NAV2: variants seen among roughly 807,000 people sequenced by gnomAD.
The protein encoded by NAV2 is neuron navigator 2.
In NAV2, 54 loss-of-function variants were observed where a neutral mutation model predicts 223.2. That is an observed-to-expected ratio of 0.24 (90% CI 0.19 to 0.30). NAV2 has a LOEUF of 0.30. Ranked by LOEUF, NAV2 falls within the 10% of genes least tolerant of loss-of-function variation. The probability of loss-of-function intolerance (pLI) is 1.00; values close to 1 mark genes in which losing one functional copy is unlikely to be tolerated. For synonymous variants in NAV2, 1,279 were observed against 1,239.3 expected, an observed-to-expected ratio of 1.03 and a Z score of -0.67; for missense variants, 2,806 against 3,147.5, an observed-to-expected ratio of 0.89 and a Z score of 2.60.
At chr11:19,454,649 G>A (rs1264126125) in intron 1 of NAV2, among the ~76,000 whole-genome samples, 2 of 152,180 alleles carry the variant, frequency 1.3e-5, no homozygotes, top group African/African-American at 4.8e-5. Context: ...CTGTCATGGA[G>A]CCTCCAGGAA....
chr11:19,963,668 T>C (rs192587344), intron 10 of NAV2, among the ~76,000 whole-genome samples: 182 of 152,340 alleles, frequency 1.2e-3, no homozygotes, highest in African/African-American at 4.2e-3. Flanking sequence ...TCTCTTTGCC[T>C]CGAAAGCAAT....
chr11:19,475,307 C>T (rs1207725290), intron 1 of NAV2, among the ~76,000 whole-genome samples: 1 of 152,204 alleles, frequency 6.6e-6, no homozygotes, highest in African/African-American at 2.4e-5. Context: ...CAAAGCCTTT[C>T]TTTTCAGTGA....
intron 1 of NAV2, among the ~76,000 whole-genome samples, chr11:19,651,809 G>A (rs763100345): frequency 7.2e-5 from 11 of 152,200 alleles, no homozygotes; most frequent in African/African-American, 1.2e-4. Flanking sequence ...AGGCTGAATA[G>A]ACCAGCTTAG....
At chr11:19,962,633 T>A (rs1461919297) in intron 10 of NAV2, among the ~76,000 whole-genome samples, 1 of 152,180 alleles carries the variant, frequency 6.6e-6, no homozygotes, top group Non-Finnish European at 1.5e-5. Flanking sequence ...GTCCCCTGGG[T>A]CCTGGTAAGA....
chr11:20,080,070 G>A lies in NAV2; in HGVS notation c.5186G>A (p.Gly1729Asp), dbSNP rs1221818511. Reference protein sequence around the residue: ...NTPELNCKGNGTAQSADLRIR... With the variant: ...NTPELNCKGNDTAQSADLRIR... ...ACCCTGCCTTGGTCTCCAGGAAACG[G>A]CACTGCCCAGTCTGCAGACCTCCGC... Residue 1729 changes from glycine (G) to aspartate (D), a missense_variant, in exon 25 of 38, where the codon GGC (glycine) becomes GAC (aspartate). By Grantham distance (94) the Gly-to-Asp change is moderately conservative. Coordinates refer to ENST00000349880, the MANE Select transcript of NAV2 (RefSeq NM_145117.5). 1 of 1,613,580 alleles carries A rather than the reference G, an allele frequency of 6.2e-7. No homozygotes were observed. The highest frequency in any genetic ancestry group is 1.1e-5 in the South Asian group (1 of 91,022).
At chr11:19,427,941 C>T (rs1423736112) in intron 1 of NAV2, among the ~76,000 whole-genome samples, 2 of 151,534 alleles carry the variant, frequency 1.3e-5, no homozygotes, top group African/African-American at 2.4e-5. Context: ...AATCTGCATC[C>T]CCCCGCTAGT....
At chr11:19,726,563 GA>G (rs1160019532) in intron 1 of NAV2, among the ~76,000 whole-genome samples, 1 of 152,196 alleles carries the variant, frequency 6.6e-6, no homozygotes, top group Non-Finnish European at 1.5e-5. Flanking sequence ...CCTGAGTTTA[GA>G]ACTGACTGTG....
intron 1 of NAV2, among the ~76,000 whole-genome samples, chr11:19,764,749 T>C (rs776696791): frequency 1.3e-5 from 2 of 152,166 alleles, no homozygotes; most frequent in African/African-American, 4.8e-5. Context: ...CCATTTGATG[T>C]CTAATCATCT....
chr11:19,370,176 C>T (rs1030933726), intron 1 of NAV2, among the ~76,000 whole-genome samples: 1 of 152,174 alleles, frequency 6.6e-6, no homozygotes, highest in Non-Finnish European at 1.5e-5. Flanking sequence ...GTCACCCCTG[C>T]GACCTTTCCT....
chr11:19,433,764 G>A (rs561050749), intron 1 of NAV2, among the ~76,000 whole-genome samples: 1 of 152,322 alleles, frequency 6.6e-6, no homozygotes, highest in East Asian at 1.9e-4. Context: ...TTGGCAAATT[G>A]TATTTCCCCC....
At chr11:19,714,059 T>G in intron 1 of NAV2, 97 bp downstream of exon 1, 1 of 1,477,704 alleles carries the variant, frequency 6.8e-7, no homozygotes, top group Non-Finnish European at 9.2e-7. Context: ...GAGAAGGGTC[T>G]ACCATGTGGC....
At chr11:19,551,423 C>T (rs1316788223) in intron 1 of NAV2, among the ~76,000 whole-genome samples, 3 of 152,226 alleles carry the variant, frequency 2.0e-5, no homozygotes, top group African/African-American at 2.4e-5. Flanking sequence ...GGTTCCACGG[C>T]AAGTCCTCAT....
chr11:20,080,475 T>C (rs2060021910), intron 25 of NAV2, among the ~76,000 whole-genome samples: 1 of 152,254 alleles, frequency 6.6e-6, no homozygotes, highest in African/African-American at 2.4e-5. Flanking sequence ...TTTCATTTCA[T>C]ATGTGTGTCA....
intron 6 of NAV2, among the ~76,000 whole-genome samples, chr11:19,929,997 C>T (rs541236039): frequency 6.6e-6 from 1 of 152,280 alleles, no homozygotes; most frequent in East Asian, 1.9e-4. Flanking sequence ...GAGCCCTCTA[C>T]CACTTTTTAC....
intron 1 of NAV2, among the ~76,000 whole-genome samples, chr11:19,777,028 AGCGCCGGGTGCCACGCGGG>A (rs2056285077): frequency 6.6e-6 from 1 of 151,464 alleles, no homozygotes; most frequent in Non-Finnish European, 1.5e-5. Context: ...GGCCCACTGA[AGCGCCGGGTGCCACGCGGG>A]GCGGCCCGCG....
At chr11:19,392,383 AT>A (rs5790071) in intron 1 of NAV2, among the ~76,000 whole-genome samples, 2 of 149,954 alleles carry the variant, frequency 1.3e-5, no homozygotes, top group African/African-American at 2.4e-5. Flanking sequence ...CAGCAGGGTG[AT>A]TTTTTTTTTT....
chr11:19,790,971 C>T (rs2057477330), intron 1 of NAV2, among the ~76,000 whole-genome samples: 1 of 151,796 alleles, frequency 6.6e-6, no homozygotes, highest in Non-Finnish European at 1.5e-5. Flanking sequence ...TGTGCCTTTA[C>T]ACACATTATG....
intron 11 of NAV2, among the ~76,000 whole-genome samples, chr11:19,995,328 T>A (rs1045252572): frequency 6.6e-6 from 1 of 152,162 alleles, no homozygotes; most frequent in Non-Finnish European, 1.5e-5. Flanking sequence ...GATGATGACA[T>A]GTGTCTCATT....
intron 1 of NAV2, among the ~76,000 whole-genome samples, chr11:19,803,539 T>G (rs1477072560): frequency 6.6e-6 from 1 of 152,256 alleles, no homozygotes; most frequent in Non-Finnish European, 1.5e-5. Flanking sequence ...GTCAGTGTCT[T>G]CATCTGCAAA....
Sources: gnomAD v4.1 joint callset for allele counts (sites outside exome capture counted in the v4.1 genomes callset) on GRCh38, gnomAD v4.1.1 for gene constraint, MANE v1.5 for transcripts, NCBI Gene and HGNC (gene_info 2026-07-23, HGNC 2026-07-21) for gene names.